The following CHRM5 variants were observed in gnomAD, a reference collection of about 807,000 sequenced individuals.
The protein encoded by CHRM5 is muscarinic acetylcholine receptor M5.
A neutral mutation model predicts 39.0 loss-of-function variants in CHRM5; 18 were observed. The ratio of observed to expected loss-of-function variants is 0.46; its 90% CI spans 0.32 to 0.68. The LOEUF (loss-of-function observed/expected upper bound fraction) is 0.68, where lower values mean the gene tolerates loss of function less well. Among genes scored for constraint, CHRM5 ranks in the 30% least tolerant of loss-of-function variants. CHRM5 has a pLI of 0.04. For missense variants in CHRM5, 515 were observed against 651.1 expected (o/e 0.79, Z 2.28); for synonymous variants, 241 against 246.3 (o/e 0.98, Z 0.20).
chr15:34,032,496 A>G (rs1436073669), intron 1 of CHRM5, among the ~76,000 whole-genome samples: 6 of 152,232 alleles, frequency 3.9e-5, no homozygotes, highest in Non-Finnish European at 8.8e-5. Context: ...CCTGGAAACC[A>G]TATTCTGCAA....
intron 1 of CHRM5, among the ~76,000 whole-genome samples, chr15:34,016,323 C>T (rs1225529698): frequency 6.6e-6 from 1 of 152,190 alleles, no homozygotes; most frequent in Non-Finnish European, 1.5e-5. Context: ...ATCAGATCAA[C>T]AAAACAACAG....
intron 1 of CHRM5, among the ~76,000 whole-genome samples, chr15:33,977,458 CA>C: frequency 6.6e-6 from 1 of 152,288 alleles, no homozygotes; most frequent in East Asian, 1.9e-4. Context: ...ATTCCGGTTT[CA>C]AACCTTGACA....
At position 33,994,062 on chromosome 15, in the gene CHRM5, G is replaced by GT. The variant is rs150375619; in HGVS notation, c.-408+24913dup. On this transcript the variant is annotated intron_variant, in intron 1 of 2. Transcript: ENST00000383263. The stretch of plus-strand genomic sequence containing the variant: ...TGCTGGAGTTTCTCTAGAACAGGGG[G>GT]TCCCCCACCCCCAGACCATGGATCA... 3.7e-4 allele frequency among the ~76,000 whole-genome samples: 57 copies of GT among 152,324 alleles called. No homozygotes were observed. The East Asian group carries it at 0.011, about 29-fold the overall frequency.
rs140146605 is a variant in CHRM5, at chr15:34,036,880, C to G, written c.-407-9660C>G. On this transcript the variant is annotated intron_variant, in intron 1 of 2. Transcript: ENST00000383263. The stretch of plus-strand genomic sequence containing the variant: ...ATCCCAGCACCTTGGGAGGCCGAGG[C>G]GGGTGGATCACCTGAGGTCAGGAGT... Among the ~76,000 whole-genome samples the G allele has an allele frequency of 5.8e-3, 884 of 152,210 alleles. 13 individuals carry two copies. Among genetic ancestry groups the G allele is most frequent in the African/African-American group, 0.02 (849 of 41,536 alleles).
intron 1 of CHRM5, among the ~76,000 whole-genome samples, chr15:33,997,789 A>C (rs2140601639): frequency 6.6e-6 from 1 of 152,194 alleles, no homozygotes; most frequent in Non-Finnish European, 1.5e-5. Flanking sequence ...GCTCTGCTAA[A>C]CTGTAATCAT....
chr15:33,976,135 G>A (rs638169), intron 1 of CHRM5, among the ~76,000 whole-genome samples: 117,892 of 152,066 alleles, frequency 0.78, 52,933 homozygotes, highest in Non-Finnish European at 0.98. Flanking sequence ...ACAACCAGCA[G>A]GATATATTGG....
chr15:33,982,261 T>C (rs1896185703), intron 1 of CHRM5, among the ~76,000 whole-genome samples: 1 of 152,008 alleles, frequency 6.6e-6, no homozygotes, highest in Admixed American at 6.6e-5. Context: ...ATTAAGCCAA[T>C]CTAATTCAGA....
In CHRM5 at chr15:33,993,023, C is replaced by T. The variant is rs147191575; in HGVS notation, c.-408+23873C>T. ...ACAGACTTGCACATAATATTTTCCC[C>T]ACGTTTTCTTCAATATTGATCCAGT... On this transcript the variant is annotated intron_variant, in intron 1 of 2. Coordinates refer to ENST00000383263, the MANE Select transcript of CHRM5 (RefSeq NM_012125.4). Among the ~76,000 whole-genome samples, 143 of 152,264 alleles carry T rather than the reference C, an allele frequency of 9.4e-4. 2 individuals are homozygous for T. In the East Asian group the frequency reaches 0.021, roughly 23 times the overall value.
At chr15:34,009,524 T>C (rs1359290650) in intron 1 of CHRM5, among the ~76,000 whole-genome samples, 1 of 152,122 alleles carries the variant, frequency 6.6e-6, no homozygotes. Context: ...TCACTTTAGA[T>C]TCAAAGATAC....
At chr15:34,017,915 T>C (rs1898015385) in intron 1 of CHRM5, among the ~76,000 whole-genome samples, 1 of 152,218 alleles carries the variant, frequency 6.6e-6, no homozygotes, top group Non-Finnish European at 1.5e-5. Flanking sequence ...CTGAAAATAA[T>C]GTCATAGTGC....
intron 1 of CHRM5, among the ~76,000 whole-genome samples, chr15:33,975,027 C>A (rs1895824313): frequency 6.6e-6 from 1 of 152,064 alleles, no homozygotes; most frequent in African/African-American, 2.4e-5. Flanking sequence ...ATGTTTTTAG[C>A]CATGTTCCTT....
chr15:34,028,154 T>G (rs1334793050), intron 1 of CHRM5, among the ~76,000 whole-genome samples: 4 of 152,320 alleles, frequency 2.6e-5, no homozygotes, highest in East Asian at 1.9e-4. Context: ...TTTAAAAAAT[T>G]TTTTAATGAA....
At chr15:33,993,667 A>T (rs1319810304) in intron 1 of CHRM5, among the ~76,000 whole-genome samples, 2 of 152,198 alleles carry the variant, frequency 1.3e-5, no homozygotes, top group Non-Finnish European at 2.9e-5. Context: ...CAACATAAAT[A>T]ACAATCATCC....
intron 1 of CHRM5, among the ~76,000 whole-genome samples, chr15:33,974,233 A>G (rs1895773105): frequency 6.6e-6 from 1 of 152,216 alleles, no homozygotes; most frequent in African/African-American, 2.4e-5. Context: ...TACTTTGCAA[A>G]TGAAATTGAA....
intron 1 of CHRM5, among the ~76,000 whole-genome samples, chr15:34,008,293 C>T (rs1409070244): frequency 1.3e-5 from 2 of 151,758 alleles, no homozygotes; most frequent in African/African-American, 4.8e-5. Flanking sequence ...TGGTGGTGTA[C>T]CTCTGTTGTC....
intron 1 of CHRM5, among the ~76,000 whole-genome samples, chr15:33,974,137 T>C (rs1244251881): frequency 2.0e-5 from 3 of 152,252 alleles, no homozygotes; most frequent in African/African-American, 7.2e-5. Flanking sequence ...TTTGCTATAC[T>C]ACTAGATCTA....
At chr15:33,986,283 G>A (rs906992788) in intron 1 of CHRM5, among the ~76,000 whole-genome samples, 15 of 151,758 alleles carry the variant, frequency 9.9e-5, no homozygotes, top group Non-Finnish European at 1.9e-4. Context: ...ATTTATTTTT[G>A]TATTTTTAGT....
chr15:34,033,371 C>T (rs986535642), intron 1 of CHRM5, among the ~76,000 whole-genome samples: 3 of 151,848 alleles, frequency 2.0e-5, no homozygotes, highest in Admixed American at 2.0e-4. Flanking sequence ...CCGGGTGTGG[C>T]GGTGTGCACC....
intron 2 of CHRM5, among the ~76,000 whole-genome samples, chr15:34,051,503 G>T (rs1043492275): frequency 6.6e-6 from 1 of 152,156 alleles, no homozygotes; most frequent in South Asian, 2.1e-4. Context: ...GAGTTGAACT[G>T]AAGGAGATAG....
Sources: allele counts gnomAD v4.1 joint callset (sites outside exome capture counted in the v4.1 genomes callset), GRCh38; gene constraint gnomAD v4.1.1; transcripts MANE v1.5; gene names NCBI Gene and HGNC (gene_info 2026-07-23, HGNC 2026-07-21).